EHD1: variants seen among roughly 807,000 people sequenced by gnomAD.
The protein encoded by EHD1 is EH domain containing 1, also known as EH domain-containing protein 1.
EHD1 carries 19 observed loss-of-function variants against 39.0 expected under a neutral mutation model. The ratio of observed to expected loss-of-function variants is 0.49; its 90% confidence interval spans 0.34 to 0.72. The LOEUF is 0.72. EHD1 is among the 30% of genes least tolerant of loss of function. EHD1 has a pLI of 0.01. For missense variants in EHD1, 542 were observed against 751.5 expected, an observed-to-expected ratio of 0.72 and a Z score of 3.26; for synonymous variants, 323 against 331.2, an observed-to-expected ratio of 0.98 and a Z score of 0.27.
chr11:64,855,024 G>C, intron 4 of EHD1, 167 bp from the exon 5 acceptor site: 1 of 934,290 alleles, frequency 1.1e-6, no homozygotes, highest in Non-Finnish European at 1.6e-6. Flanking sequence ...CTGTACACAG[G>C]AGGCACCTCC....
chr11:64,871,038 G>A (rs1015967534), intron 2 of EHD1, among the ~76,000 whole-genome samples: 3 of 152,138 alleles, frequency 2.0e-5, no homozygotes, highest in South Asian at 2.1e-4. Context: ...TTTTCAGACC[G>A]TGTTTCCTGC....
Position 64,854,844 on chromosome 11 carries a change from G to C in EHD1, c.1094C>G (p.Thr365Ser). The stretch of plus-strand genomic sequence containing the variant: ...CGCCTGGAACTTGCTGAAGTCCTGG[G>C]TCTGCAGGAGTTCCTGTGGGCGGGG... ...SLRKMQELLQ[T>S]QDFSKFQALK... The change falls in exon 5 of 5, where the codon ACC becomes AGC. Residue 365 changes from threonine (T) to serine (S), a missense_variant. Physicochemically the swap from Thr to Ser is moderately conservative, Grantham distance 58. Coordinates refer to ENST00000320631, the MANE Select transcript of EHD1 (RefSeq NM_006795.4). 6.3e-7 allele frequency: 1 copy of C among 1,598,350 alleles called. No individual in the cohort carries two copies. Among genetic ancestry groups the C allele is most frequent in the South Asian group, 1.1e-5 (1 of 91,066 alleles).
At chr11:64,858,470 G>A (rs1394982986) in intron 3 of EHD1, among the ~76,000 whole-genome samples, 2 of 152,190 alleles carry the variant, frequency 1.3e-5, no homozygotes, top group Admixed American at 6.5e-5. Flanking sequence ...ATTACAGGAT[G>A]AGCCACCATG....
Position 64,878,294 on chromosome 11 carries a change from G to A in EHD1, c.171C>T (p.Asn57=). ...SPALEDADFD[N]KPMVLLVGQY... ...GCCCCACGAGGAGCACCATAGGCTT[G>A]TTGTCGAAGTCAGCGTCCTCCAGCG... Residue 57 remains asparagine, a synonymous_variant, in exon 1 of 5, where the codon AAC becomes AAT. Coordinates refer to ENST00000320631, the MANE Select transcript of EHD1 (RefSeq NM_006795.4). 1 of 1,614,210 alleles carries A rather than the reference G, an allele frequency of 6.2e-7. No homozygotes were observed. Among genetic ancestry groups the A allele is most frequent in the Middle Eastern group, 1.6e-4 (1 of 6,062 alleles).
rs1275225066 is a variant in EHD1 at position 64,852,009 on chromosome 11, C to CCA, written c.*2323_*2324insTG. The CCA allele has an allele frequency of 1.3e-5, 2 of 152,266 alleles. No individual in the cohort carries two copies. Among genetic ancestry groups the CCA allele is most frequent in the African/African-American group, 4.8e-5 (2 of 41,448 alleles). 9.4% of individuals were successfully genotyped at this position (152,266 alleles called of 1,614,324 possible). ...ATCCACTGGCACCTCAAGTGCTGGTCATAGGACCAGACACCACCACACCAG... is the reference window on the plus strand; with the variant it reads ...ATCCACTGGCACCTCAAGTGCTGGTCCAATAGGACCAGACACCACCACACCAG... On this transcript the variant is annotated 3_prime_UTR_variant, in exon 5 of 5. Transcript: ENST00000320631.
chr11:64,855,056 C>T (rs970329926), intron 4 of EHD1, 199 bp from the exon 5 acceptor site: 10 of 844,260 alleles, frequency 1.2e-5, no homozygotes, highest in South Asian at 1.8e-5. Context: ...TGCAGGGCTG[C>T]GGCAAGGATT....
chr11:64,853,935 G>A lies in EHD1; in HGVS notation c.*398C>T. On this transcript the variant is annotated 3_prime_UTR_variant, in exon 5 of 5. Coordinates refer to ENST00000320631, the MANE Select transcript of EHD1 (RefSeq NM_006795.4). ...CACACGGAGGGTGCCTGGTGTTCCT[G>A]TCCATGCAGCCTCAGCCTAGCAGCT... The A allele has an allele frequency of 4.3e-6, 1 of 230,100 alleles. No homozygotes were observed. The highest frequency in any genetic ancestry group is 8.7e-6 in the Non-Finnish European group (1 of 114,394). 14.3% of individuals were successfully genotyped at this position (230,100 alleles called of 1,614,324 possible). A position where few individuals can be genotyped will look rare whatever the true frequency, so the allele number is the denominator to read the frequency against.
intron 1 of EHD1, among the ~76,000 whole-genome samples, chr11:64,877,052 T>C (rs1051657933): frequency 1.3e-5 from 2 of 152,172 alleles, no homozygotes; most frequent in Non-Finnish European, 2.9e-5. Context: ...GATTCAAAGA[T>C]TCCTTCAGAG....
At position 64,853,322 on chromosome 11, in the gene EHD1, C is replaced by G. The variant is rs1943603695; in HGVS notation, c.*1011G>C. The G allele has an allele frequency of 1.3e-5, 2 of 152,330 alleles. No individual in the cohort carries two copies. The highest frequency in any genetic ancestry group is 1.3e-4 in the Admixed American group (2 of 15,290). The allele number at this position is 152,330 out of a possible 1,614,324, so 9.4% of individuals were successfully genotyped here. A position where few individuals can be genotyped will look rare whatever the true frequency, so the allele number is the denominator to read the frequency against. ...AGCCAGAACCACGGGCTTCCTCTTA[C>G]CAGCACCAAGCTGTCGTGAGGCCCC... On this transcript the variant is annotated 3_prime_UTR_variant, in exon 5 of 5. Transcript: ENST00000320631.
Position 64,860,221 on chromosome 11 carries a change from A to G in EHD1, c.618T>C (p.Ala206=). 1 of 1,614,054 alleles carries G rather than the reference A, an allele frequency of 6.2e-7. No individual in the cohort carries two copies. Among genetic ancestry groups the G allele is most frequent in the Non-Finnish European group, 8.5e-7 (1 of 1,180,020 alleles). Residue 206 remains alanine (A), a synonymous_variant, in exon 3 of 5, where the codon GCT becomes GCC. Coordinates refer to ENST00000320631, the MANE Select transcript of EHD1 (RefSeq NM_006795.4). ...GGATCTTGTCCTCATGGTTCTTCAG[A>G]GCCTTGATCACTTCCGAGAACTCAT... ...ISDEFSEVIK[A]LKNHEDKIRV...
chr11:64,859,992 G>A lies in EHD1; in HGVS notation c.847C>T (p.Gln283Ter). The change falls in exon 3 of 5, where the codon CAG becomes TAG. Residue 283 changes from glutamine to a stop codon, truncating the protein, a stop_gained. Transcript: ENST00000320631. LOFTEE classifies it high-confidence loss of function. ...AEEQDLFKDI[Q>*]SLPRNAALRK... ...AGGGCGGCGTTTCGGGGCAGTGACT[G>A]GATGTCCTTGAAGAGGTCCTGCTCC... 1 of 1,614,016 alleles carries A rather than the reference G, an allele frequency of 6.2e-7. No homozygotes were observed. Among genetic ancestry groups the A allele is most frequent in the Non-Finnish European group, 8.5e-7 (1 of 1,180,040 alleles).
Position 64,878,549 on chromosome 11 carries a change from G to T in EHD1, c.-85C>A. On this transcript the variant is annotated 5_prime_UTR_variant, in exon 1 of 5. Coordinates refer to ENST00000320631, the MANE Select transcript of EHD1 (RefSeq NM_006795.4). ...GTGCGGAGCCGAGGCGGGGCCGGCCGGGGCAGGGAATCGGGAGCGACCCAC... is the reference window on the plus strand; with the variant it reads ...GTGCGGAGCCGAGGCGGGGCCGGCCTGGGCAGGGAATCGGGAGCGACCCAC... The T allele has an allele frequency of 6.8e-7, 1 of 1,473,866 alleles. No individual in the cohort carries two copies. Among genetic ancestry groups the T allele is most frequent in the Non-Finnish European group, 9.0e-7 (1 of 1,116,496 alleles). The allele number at this position is 1,473,866 out of a possible 1,614,324, so 91.3% of individuals were successfully genotyped here. A position where few individuals can be genotyped will look rare whatever the true frequency, so the allele number is the denominator to read the frequency against.
intron 2 of EHD1, among the ~76,000 whole-genome samples, chr11:64,863,668 G>A (rs1188462564): frequency 6.6e-6 from 1 of 152,170 alleles, no homozygotes; most frequent in Non-Finnish European, 1.5e-5. Flanking sequence ...CGTGCTTGGC[G>A]CCATCTGTGA....
chr11:64,872,485 C>G (rs903451680), intron 2 of EHD1, among the ~76,000 whole-genome samples: 1 of 152,150 alleles, frequency 6.6e-6, no homozygotes, highest in African/African-American at 2.4e-5. Flanking sequence ...GTAACTTAAT[C>G]AGATTTTCTG....
rs766923029 is a variant in EHD1 at position 64,854,865 on chromosome 11, C to A, written c.1081-8G>T. The A allele has an allele frequency of 1.0e-5, 16 of 1,594,866 alleles. No homozygotes were observed. The highest frequency in any genetic ancestry group is 1.7e-6 in the Non-Finnish European group (2 of 1,176,478). ...CTGGGTCTGCAGGAGTTCCTGTGGGCGGGGGAGGAAGGACAAGGGCTGGGA... is the reference window on the plus strand; with the variant it reads ...CTGGGTCTGCAGGAGTTCCTGTGGGAGGGGGAGGAAGGACAAGGGCTGGGA... On this transcript the variant is annotated splice_region_variant and splice_polypyrimidine_tract_variant and intron_variant, in intron 4 of 4. Coordinates refer to ENST00000320631, the MANE Select transcript of EHD1 (RefSeq NM_006795.4).
intron 3 of EHD1, chr11:64,856,622 C>T (rs1046884536): frequency 6.6e-6 from 1 of 152,344 alleles, no homozygotes; most frequent in African/African-American, 2.4e-5. Flanking sequence ...GCCCATCCAC[C>T]ACCCCGCTCA....
chr11:64,854,268 TTCCCCTCCCCCCG>T lies in EHD1; in HGVS notation c.*52_*64del. On this transcript the variant is annotated 3_prime_UTR_variant, in exon 5 of 5. Transcript: ENST00000320631. ...TATGGACCTTGAGAAATGGTGAGGC[TTCCCCTCCCCCCG>T]TCTCTGCCTCCCGGCCGGGCGTGCA... is the stretch of plus-strand genomic sequence containing the variant. 6.6e-7 allele frequency: 1 copy of T among 1,515,156 alleles called. No homozygotes were observed. The highest frequency in any genetic ancestry group is 8.8e-7 in the Non-Finnish European group (1 of 1,134,814). The allele number at this position is 1,515,156 out of a possible 1,614,324, so 93.9% of individuals were successfully genotyped here.
intron 2 of EHD1, among the ~76,000 whole-genome samples, chr11:64,867,523 A>G (rs1433634097): frequency 6.6e-6 from 1 of 152,050 alleles, no homozygotes; most frequent in Admixed American, 6.5e-5. Context: ...GTTCGAGACC[A>G]GCCTGGTCAA....
intron 4 of EHD1, 125 bp from the exon 5 acceptor site, chr11:64,854,982 C>T (rs538705605): frequency 1.8e-5 from 23 of 1,260,840 alleles, no homozygotes; most frequent in South Asian, 2.7e-5. Flanking sequence ...AGGGGCGACT[C>T]GGCAAAACCA....
Sources: allele counts gnomAD v4.1 joint callset (sites outside exome capture counted in the v4.1 genomes callset), GRCh38; gene constraint gnomAD v4.1.1; transcripts MANE v1.5; gene names NCBI Gene and HGNC (gene_info 2026-07-23, HGNC 2026-07-21).